CDH23: variants seen among roughly 807,000 people sequenced by gnomAD.
CDH23 encodes cadherin-23.
In CDH23, 189 loss-of-function variants were observed where a neutral mutation model predicts 317.1. That is an observed-to-expected ratio of 0.60 (90% CI 0.53 to 0.67). The LOEUF is 0.67. CDH23 is among the 30% of genes least tolerant of loss of function. The probability of loss-of-function intolerance (pLI) is 0.00; values close to 1 mark genes in which losing one functional copy is unlikely to be tolerated. For missense variants in CDH23, 4,401 were observed against 4,592.4 expected (o/e 0.96, Z 1.20); for synonymous variants, 1,839 against 1,876.8 (o/e 0.98, Z 0.52).
chr10:71,798,691 A>G (rs773891869), intron 50 of CDH23, 113 bp downstream of exon 50: 6 of 824,616 alleles, frequency 7.3e-6, no homozygotes, highest in Non-Finnish European at 9.3e-6. Flanking sequence ...GCCAGATCCA[A>G]GATGGCCAGC....
chr10:71,710,665 A>G (rs1865938781), intron 27 of CDH23, among the ~76,000 whole-genome samples: 1 of 152,232 alleles, frequency 6.6e-6, no homozygotes, highest in South Asian at 2.1e-4. Context: ...ATGGACAGAA[A>G]CAAGGGGTGC....
chr10:71,555,619 T>A (rs1225465640), intron 6 of CDH23, among the ~76,000 whole-genome samples: 5 of 152,122 alleles, frequency 3.3e-5, no homozygotes, highest in Non-Finnish European at 7.4e-5. Context: ...CCTGGAATAT[T>A]GTCAGTGATG....
chr10:71,416,775 C>T (rs989909211), intron 1 of CDH23, among the ~76,000 whole-genome samples: 2 of 152,000 alleles, frequency 1.3e-5, no homozygotes, highest in African/African-American at 2.4e-5. Context: ...TCAAGCGATC[C>T]TCCCACCCCA....
At position 71,725,488 on chromosome 10, in the gene CDH23, C is replaced by A. The variant is rs780886093; in HGVS notation, c.3547C>A (p.His1183Asn). 2.5e-5 allele frequency: 41 copies of A among 1,613,894 alleles called. No homozygotes were observed. Among genetic ancestry groups the A allele is most frequent in the Non-Finnish European group, 3.4e-5 (40 of 1,179,844 alleles). The change falls in exon 30 of 70, where the codon CAC becomes AAC. Residue 1183 changes from histidine to asparagine, a missense_variant. This residue lies in a region of CDH23 where 3,068 missense variants were observed against 3,203.3 expected (regional missense o/e 0.96). Transcript: ENST00000224721. ...CGTGCTGATAGTGGAGGCCTACAAC[C>A]ACGACCTGGGCCCCATGCGGAGCTC... ...SHVLIVEAYN[H>N]DLGPMRSSVR...
At chr10:71,724,332 G>A (rs368770664) in intron 29 of CDH23, among the ~76,000 whole-genome samples, 5 of 152,158 alleles carry the variant, frequency 3.3e-5, no homozygotes, top group East Asian at 3.9e-4. Context: ...TCCCTCTGTC[G>A]CCCAGGCTGG....
At chr10:71,760,884 G>A (rs1444768675) in intron 38 of CDH23, 3 of 1,613,642 alleles carry the variant, frequency 1.9e-6, no homozygotes, top group African/African-American at 2.7e-5. Context: ...TATCCTGGGA[G>A]GAGGATGGGT....
intron 6 of CDH23, among the ~76,000 whole-genome samples, chr10:71,550,779 G>A (rs1159570336): frequency 6.6e-6 from 1 of 152,068 alleles, no homozygotes; most frequent in Non-Finnish European, 1.5e-5. Flanking sequence ...CAGGTGTGGG[G>A]GCAGCATCAA....
chr10:71,445,833 G>A (rs1274491927), intron 2 of CDH23, among the ~76,000 whole-genome samples: 2 of 115,982 alleles, frequency 1.7e-5, no homozygotes, highest in East Asian at 5.5e-4. Flanking sequence ...GGGTGACAGA[G>A]TGAGACTCTG....
chr10:71,680,829 C>CTTTTTTTTTTTTTTTTTTTTTTTT (rs1312991062), intron 17 of CDH23, among the ~76,000 whole-genome samples: 3 of 70,130 alleles, frequency 4.3e-5, no homozygotes, highest in African/African-American at 1.2e-4. Context: ...TTTTCTTTTT[C>CTTTTTTTTTTTTTTTTTTTTTTTT]TTTTTTTTTT....
At chr10:71,483,234 C>T (rs922558917) in intron 3 of CDH23, among the ~76,000 whole-genome samples, 41 of 152,244 alleles carry the variant, frequency 2.7e-4, no homozygotes, top group African/African-American at 9.2e-4. Flanking sequence ...TTCACTCTCA[C>T]CCTTCCAGGG....
chr10:71,803,304 G>C lies in CDH23; in HGVS notation c.7756G>C (p.Gly2586Arg). The C allele has an allele frequency of 6.3e-7, 1 of 1,590,886 alleles. No homozygotes were observed. The highest frequency in any genetic ancestry group is 1.3e-5 in the African/African-American group (1 of 74,366). Residue 2586 changes from glycine to arginine, a missense_variant, in exon 55 of 70, where the codon GGT becomes CGT. Around this residue, in one of 3 missense-constraint regions of CDH23, gnomAD observed 1,144 missense variants for 1,138.2 expected, o/e 1.01. Coordinates refer to ENST00000224721, the MANE Select transcript of CDH23 (RefSeq NM_022124.6). ...CAGTCTGACCGTGGTGGCCACAGATGGTGGAGAGCCCCCACTCTGGGGCAC... is the reference window on the plus strand; with the variant it reads ...CAGTCTGACCGTGGTGGCCACAGATCGTGGAGAGCCCCCACTCTGGGGCAC... The part of the protein sequence containing the change: ...KFSLTVVATD[G>R]GEPPLWGTTM...
intron 8 of CDH23, among the ~76,000 whole-genome samples, chr10:71,577,130 A>T (rs370420626): frequency 6.6e-6 from 1 of 152,184 alleles, no homozygotes. Flanking sequence ...TGTGAGCCAT[A>T]TGTGTATTCG....
rs1266626920 is a variant in CDH23 at position 71,798,551 on chromosome 10, T to C, written c.7027T>C (p.Tyr2343His). 2 of 1,612,500 alleles carry C rather than the reference T, an allele frequency of 1.2e-6. No homozygotes were observed. Among genetic ancestry groups the C allele is most frequent in the African/African-American group, 1.3e-5 (1 of 74,852 alleles). The change falls in exon 50 of 70, where the codon TAT becomes CAT. Residue 2343 changes from tyrosine (Y) to histidine (H), a missense_variant. Around this residue, in one of 3 missense-constraint regions of CDH23, gnomAD observed 3,068 missense variants for 3,203.3 expected, o/e 0.96. Coordinates refer to ENST00000224721, the MANE Select transcript of CDH23 (RefSeq NM_022124.6). ...CCTGCTGGACCTGGTGCCCCCAGGG[T>C]ATGTCCAGCTGGAGGACTCCTCGGC... ...YTLLDLVPPG[Y>H]VQLEDSSAGK...
rs763659234 is a variant in CDH23, at chr10:71,446,402, G to A, written c.145+7G>A. 8.6e-5 allele frequency: 138 copies of A among 1,613,722 alleles called. No individual in the cohort carries two copies. The highest frequency in any genetic ancestry group is 4.5e-5 in the Non-Finnish European group (53 of 1,179,760). ...AGCGAGGACACGCCTGTGGGTGAGT[G>A]GGGGCATGGGCTGGTGGGCGTGCAG... On this transcript the variant is annotated splice_region_variant and intron_variant, in intron 3 of 69. Transcript: ENST00000224721.
In CDH23 at chr10:71,423,870, G is replaced by A. The variant is rs993701644; in HGVS notation, c.-5-15957G>A. On this transcript the variant is annotated intron_variant, in intron 1 of 69. Coordinates refer to ENST00000224721, the MANE Select transcript of CDH23 (RefSeq NM_022124.6). ...GTGCTCTCTGCTCTGTTCTAAGATC[G>A]CCTGGTCTGGGTCTGCCCTGCCTGC... Among the ~76,000 whole-genome samples the A allele has an allele frequency of 2.8e-4, 43 of 152,184 alleles. 1 individual carries two copies. The highest frequency in any genetic ancestry group is 5.6e-4 in the Non-Finnish European group (38 of 68,030).
chr10:71,430,487 G>A (rs138246689), intron 1 of CDH23, among the ~76,000 whole-genome samples: 7 of 152,266 alleles, frequency 4.6e-5, no homozygotes, highest in South Asian at 2.1e-4. Flanking sequence ...GATATTTGTC[G>A]TGGCTTTCTT....
chr10:71,642,393 CTT>C lies in CDH23; in HGVS notation c.1135-1446_1135-1445del, dbSNP rs781291264. Reference sequence around the variant, plus strand: ...ATTGGCCCAGAAGCTGGCCCGGCCTCTTTTTTTTTTTTTTTTTTTTTTTGAGA... The same window carrying C: ...ATTGGCCCAGAAGCTGGCCCGGCCTCTTTTTTTTTTTTTTTTTTTTTGAGA... On this transcript the variant is annotated intron_variant, in intron 11 of 69. Coordinates refer to ENST00000224721, the MANE Select transcript of CDH23 (RefSeq NM_022124.6). Among the ~76,000 whole-genome samples the C allele has an allele frequency of 6.7e-3, 574 of 85,384 alleles. 3 individuals carry two copies. The highest frequency in any genetic ancestry group is 0.024 in the African/African-American group (536 of 22,062). 56.0% of individuals were successfully genotyped at this position (85,384 alleles called of 152,430 possible).
intron 34 of CDH23, among the ~76,000 whole-genome samples, chr10:71,735,807 G>A (rs1465563785): frequency 6.6e-6 from 1 of 152,240 alleles, no homozygotes; most frequent in Non-Finnish European, 1.5e-5. Context: ...GCCTGGGGGT[G>A]AGTGAGGCTG....
At chr10:71,756,395 T>G (rs552567443) in intron 38 of CDH23, among the ~76,000 whole-genome samples, 1 of 152,216 alleles carries the variant, frequency 6.6e-6, no homozygotes, top group African/African-American at 2.4e-5. Context: ...ACTAAATTTA[T>G]TGAAGCAGTC....
Sources: gnomAD v4.1 joint callset for allele counts (sites outside exome capture counted in the v4.1 genomes callset) on GRCh38, gnomAD v4.1.1 for gene constraint, gnomAD v4.1.1 regional missense constraint, MANE v1.5 for transcripts, NCBI Gene and HGNC (gene_info 2026-07-23, HGNC 2026-07-21) for gene names.